Variants in UBE2E1 observed in about 807,000 individuals in gnomAD.
UBE2E1 encodes ubiquitin conjugating enzyme E2 E1.
UBE2E1 carries 6 observed loss-of-function variants against 21.4 expected under a neutral mutation model. That is an observed-to-expected ratio of 0.28 (90% CI 0.15 to 0.55). The LOEUF (loss-of-function observed/expected upper bound fraction) is 0.55. Ranked by LOEUF, UBE2E1 falls within the 20% of genes least tolerant of loss-of-function variation. The pLI is 0.93. For synonymous variants in UBE2E1, 87 were observed against 82.7 expected, an observed-to-expected ratio of 1.05 and a Z score of -0.28; for missense variants, 142 against 236.5, an observed-to-expected ratio of 0.60 and a Z score of 2.62.
chr3:23,807,048 G>T, intron 1 of UBE2E1, 189 bp from the exon 2 acceptor site: 1 of 462,082 alleles, frequency 2.2e-6, no homozygotes, highest in South Asian at 4.1e-5. Flanking sequence ...CCCCACTTGG[G>T]GCCAAAAATA....
intron 3 of UBE2E1, among the ~76,000 whole-genome samples, chr3:23,821,120 CCTGGCCT>C (rs769029868): frequency 6.6e-6 from 1 of 152,206 alleles, no homozygotes; most frequent in Non-Finnish European, 1.5e-5. Flanking sequence ...CTAAAACAGA[CCTGGCCT>C]CTGGCTTGTG....
intron 3 of UBE2E1, among the ~76,000 whole-genome samples, chr3:23,815,577 G>A (rs867675823): frequency 1.3e-5 from 2 of 152,104 alleles, no homozygotes; most frequent in South Asian, 2.1e-4. Flanking sequence ...ATACCTCCTC[G>A]AATTGGTGGT....
At chr3:23,839,885 T>G (rs77331300) in intron 3 of UBE2E1, among the ~76,000 whole-genome samples, 1 of 152,188 alleles carries the variant, frequency 6.6e-6, no homozygotes, top group African/African-American at 2.4e-5. Context: ...TTTACACAGT[T>G]AGATTATGAT....
At chr3:23,828,933 G>A (rs1699809846) in intron 3 of UBE2E1, among the ~76,000 whole-genome samples, 2 of 152,242 alleles carry the variant, frequency 1.3e-5, no homozygotes, top group Admixed American at 1.3e-4. Flanking sequence ...TAAGTAACAG[G>A]GGTTTACTTT....
chr3:23,825,802 A>G (rs112094543), intron 3 of UBE2E1, among the ~76,000 whole-genome samples: 106 of 152,310 alleles, frequency 7.0e-4, no homozygotes, highest in Admixed American at 1.4e-3. Flanking sequence ...GAATTTCAGT[A>G]GAAAGCCGTG....
At chr3:23,843,869 A>G (rs1700141853) in intron 3 of UBE2E1, among the ~76,000 whole-genome samples, 1 of 152,096 alleles carries the variant, frequency 6.6e-6, no homozygotes, top group African/African-American at 2.4e-5. Flanking sequence ...CTTTCACCCA[A>G]ATGCTTTTCC....
At chr3:23,890,353 T>C (rs950928548) in intron 5 of UBE2E1, among the ~76,000 whole-genome samples, 156 bp from the exon 6 acceptor site, 1 of 152,214 alleles carries the variant, frequency 6.6e-6, no homozygotes, top group Admixed American at 6.5e-5. Flanking sequence ...TTTTGAAATT[T>C]TGATGGAAAA....
chr3:23,881,953 G>A (rs980141184), intron 3 of UBE2E1, among the ~76,000 whole-genome samples: 3 of 151,654 alleles, frequency 2.0e-5, no homozygotes, highest in Admixed American at 1.3e-4. Flanking sequence ...CCTCCCGTCC[G>A]GAGTTGTTTA....
rs1360804169 is a variant in UBE2E1 at position 23,891,042 on chromosome 3, A to G, written c.*436A>G. On this transcript the variant is annotated 3_prime_UTR_variant, in exon 6 of 6. Transcript: ENST00000306627. ...AACATTGATATTTAACAGAGTTTTT[A>G]GAGATTGTCATCTCATATATATAAA... The G allele has an allele frequency of 6.5e-6, 1 of 153,294 alleles. No individual in the cohort carries two copies. The highest frequency in any genetic ancestry group is 2.4e-5 in the African/African-American group (1 of 41,480). 9.5% of individuals were successfully genotyped at this position (153,294 alleles called of 1,614,324 possible). A position where few individuals can be genotyped will look rare whatever the true frequency, so the allele number is the denominator to read the frequency against.
At chr3:23,824,929 A>G (rs1171189039) in intron 3 of UBE2E1, among the ~76,000 whole-genome samples, 3 of 152,196 alleles carry the variant, frequency 2.0e-5, no homozygotes, top group African/African-American at 7.2e-5. Context: ...CAAGGAGGAG[A>G]TAAGATTTTG....
chr3:23,807,459 T>G (rs201820783), intron 2 of UBE2E1, 38 bp downstream of exon 2: 215 of 1,592,732 alleles, frequency 1.3e-4, no homozygotes, highest in Non-Finnish European at 1.7e-4. Context: ...GCTTCCTATT[T>G]CCGAACTGCC....
intron 3 of UBE2E1, among the ~76,000 whole-genome samples, chr3:23,879,690 G>A (rs776656536): frequency 6.6e-6 from 1 of 152,202 alleles, no homozygotes; most frequent in African/African-American, 2.4e-5. Context: ...GCGGAGGACA[G>A]GGCACCAGGT....
Position 23,806,963 on chromosome 3 carries a change from C to T in UBE2E1, c.-33-274C>T. ...TCCTTCGCCTCCCGGGCTACTCCCT[C>T]CCTGCCCAGCGGAGAGCCCCGGGGG... On this transcript the variant is annotated intron_variant, in intron 1 of 5. Coordinates refer to ENST00000306627, the MANE Select transcript of UBE2E1 (RefSeq NM_003341.5). This position sits in a 1 kb window ranked among gnomAD's most constrained non-coding sequence, Gnocchi z 6.5. 4.4e-6 allele frequency: 1 copy of T among 229,208 alleles called. No homozygotes were observed. Among genetic ancestry groups the T allele is most frequent in the Non-Finnish European group, 8.4e-6 (1 of 118,610 alleles). 14.2% of individuals were successfully genotyped at this position (229,208 alleles called of 1,614,324 possible).
intron 3 of UBE2E1, chr3:23,878,891 G>C (rs1233405275): frequency 5.9e-6 from 2 of 339,952 alleles, no homozygotes; most frequent in Non-Finnish European, 1.2e-5. Flanking sequence ...CAATGCACTT[G>C]AATCATCCCA....
At chr3:23,825,641 A>G (rs576723597) in intron 3 of UBE2E1, among the ~76,000 whole-genome samples, 1 of 152,324 alleles carries the variant, frequency 6.6e-6, no homozygotes, top group Non-Finnish European at 1.5e-5. Context: ...ATGACCCTGA[A>G]TGATGACAAG....
chr3:23,884,973 T>C (rs1373398206), intron 3 of UBE2E1, among the ~76,000 whole-genome samples: 1 of 152,260 alleles, frequency 6.6e-6, no homozygotes, highest in Non-Finnish European at 1.5e-5. Context: ...GTCATAGCTG[T>C]ATCAGCCAGT....
intron 3 of UBE2E1, among the ~76,000 whole-genome samples, chr3:23,814,607 T>G (rs1699472482): frequency 6.6e-6 from 1 of 152,212 alleles, no homozygotes; most frequent in Non-Finnish European, 1.5e-5. Flanking sequence ...AAAAATATGT[T>G]AACTTTGTAA....
At position 23,863,803 on chromosome 3, in the gene UBE2E1, T is replaced by G. The variant is rs1700600957; in HGVS notation, c.204-23764T>G. Among the ~76,000 whole-genome samples the G allele has an allele frequency of 3.3e-5, 5 of 152,186 alleles. No homozygotes were observed. Among genetic ancestry groups the G allele is most frequent in the Admixed American group, 2.6e-4 (4 of 15,280 alleles). On this transcript the variant is annotated intron_variant, in intron 3 of 5. Coordinates refer to ENST00000306627, the MANE Select transcript of UBE2E1 (RefSeq NM_003341.5). The surrounding 1 kb of genome is among the most constrained non-coding windows in gnomAD (Gnocchi z 4.3). The stretch of plus-strand genomic sequence containing the variant: ...CCTCAGCCTCCCAAAGTGCTGGGAT[T>G]ACAGGCGTGAACCACCGCGCCCAGC...
intron 3 of UBE2E1, among the ~76,000 whole-genome samples, chr3:23,883,629 T>C (rs1461503627): frequency 6.6e-6 from 1 of 152,150 alleles, no homozygotes; most frequent in African/African-American, 2.4e-5. Flanking sequence ...TAAAACTTGA[T>C]ATTCAGGGCT....
Sources: gnomAD v4.1 joint callset for allele counts (sites outside exome capture counted in the v4.1 genomes callset) on GRCh38, gnomAD v4.1.1 for gene constraint, Gnocchi (gnomAD v3.1) non-coding constraint, MANE v1.5 for transcripts, NCBI Gene and HGNC (gene_info 2026-07-23, HGNC 2026-07-21) for gene names.